The following DHRS12 variants were observed in gnomAD, a reference collection of about 807,000 sequenced individuals.
The protein encoded by DHRS12 is dehydrogenase/reductase 12, also known as dehydrogenase/reductase SDR family member 12.
Under a neutral mutation model 32.1 loss-of-function variants are expected in DHRS12, and 29 were observed. That is an observed-to-expected ratio of 0.90 (90% CI 0.67 to 1.23). The LOEUF is 1.23. Ranked by LOEUF, DHRS12 falls within the 50% of genes most tolerant of loss-of-function variation. The probability of loss-of-function intolerance (pLI) is 0.00; values close to 1 mark genes in which losing one functional copy is unlikely to be tolerated. For synonymous variants in DHRS12, 150 were observed against 135.9 expected (o/e 1.10, Z -0.72); for missense variants, 330 against 337.2 (o/e 0.98, Z 0.17).
rs779382783 is a variant in DHRS12 at position 51,791,179 on chromosome 13, T to G, written c.205A>C (p.Lys69Gln). The G allele has an allele frequency of 6.3e-7, 1 of 1,584,854 alleles. No individual in the cohort carries two copies. The highest frequency in any genetic ancestry group is 1.4e-5 in the African/African-American group (1 of 73,892). Residue 69 changes from lysine (K) to glutamine (Q), a missense_variant, in exon 3 of 9, where the codon AAA becomes CAA. By Grantham distance (53) the Lys-to-Gln change is moderately conservative. Coordinates refer to ENST00000444610, the MANE Select transcript of DHRS12 (RefSeq NM_001377533.1). ...ACAAAGCTCACCAGAACATGGAGTTTATGTTCCTGCTTGAAATTTTCAACA... is the reference window on the plus strand; with the variant it reads ...ACAAAGCTCACCAGAACATGGAGTTGATGTTCCTGCTTGAAATTTTCAACA... The part of the protein sequence containing the change: ...KFVENFKQEH[K>Q]LHVLINNAGC...
intron 8 of DHRS12, 23 bp from the exon 9 acceptor site, chr13:51,768,319 G>T (rs1407745859): frequency 6.5e-7 from 1 of 1,535,144 alleles, no homozygotes; most frequent in East Asian, 2.4e-5. Context: ...GGGAACCGCA[G>T]AGAGGTGTGA....
chr13:51,756,526 T>C, the DHRS12 span: 2 of 1,546,036 alleles, frequency 1.3e-6, no homozygotes, highest in African/African-American at 2.7e-5. Flanking sequence ...AGCCTTGCAC[T>C]CAGCGCCGCA....
chr13:51,760,936 T>C, the DHRS12 span: 1 of 152,234 alleles, frequency 6.6e-6, no homozygotes, highest in African/African-American at 2.4e-5. Context: ...CAGCCCAGGG[T>C]TGGGGACCCC....
chr13:51,793,260 G>A (rs775665190), intron 2 of DHRS12, among the ~76,000 whole-genome samples: 5 of 152,058 alleles, frequency 3.3e-5, no homozygotes, highest in Admixed American at 6.5e-5. Flanking sequence ...TGAATGCAAC[G>A]GCATCCTCTC....
At chr13:51,790,816 G>A (rs1412516025) in intron 3 of DHRS12, among the ~76,000 whole-genome samples, 1 of 152,128 alleles carries the variant, frequency 6.6e-6, no homozygotes, top group South Asian at 2.1e-4. Context: ...GTCTGCAGGA[G>A]GTATTCTTTT....
At chr13:51,786,339 C>T (rs1954955095) in intron 4 of DHRS12, among the ~76,000 whole-genome samples, 1 of 152,224 alleles carries the variant, frequency 6.6e-6, no homozygotes, top group Non-Finnish European at 1.5e-5. Context: ...CTGTGGCAGG[C>T]TGCCAGCAGG....
intron 7 of DHRS12, chr13:51,771,595 T>C: frequency 6.5e-7 from 1 of 1,537,018 alleles, no homozygotes; most frequent in African/African-American, 1.4e-5. Flanking sequence ...TCCCACCATC[T>C]CCTTCCCTGA....
At chr13:51,757,514 A>G in the DHRS12 span, among the ~76,000 whole-genome samples, 2 of 152,028 alleles carry the variant, frequency 1.3e-5, no homozygotes, top group African/African-American at 2.4e-5. Context: ...TTGAAGCATG[A>G]TAAGAGCAGT....
chr13:51,804,031 C>T, intron 1 of DHRS12, 23 bp downstream of exon 1: 12 of 1,465,568 alleles, frequency 8.2e-6, no homozygotes, highest in Non-Finnish European at 1.1e-5. Flanking sequence ...CCCGGGGCCC[C>T]GCGCCCCGCC....
In DHRS12 at chr13:51,782,922, G is replaced by A. The variant is rs1954785515; in HGVS notation, c.302-5801C>T. On this transcript the variant is annotated intron_variant, in intron 4 of 8. Coordinates refer to ENST00000444610, the MANE Select transcript of DHRS12 (RefSeq NM_001377533.1). The surrounding 1 kb of genome is among the most constrained non-coding windows in gnomAD (Gnocchi z 4.2). ...AGGTCCTGGCCCACAGGAGGACTTG[G>A]ATTTGGGGCCGGTGCTCCTAGGCCA... 6.6e-6 allele frequency among the ~76,000 whole-genome samples: 1 copy of A among 152,192 alleles called. No homozygotes were observed. The highest frequency in any genetic ancestry group is 1.5e-5 in the Non-Finnish European group (1 of 68,026).
the DHRS12 span, chr13:51,760,755 A>G: frequency 1.3e-5 from 2 of 152,240 alleles, no homozygotes; most frequent in Non-Finnish European, 2.9e-5. Flanking sequence ...GGAGCACGCA[A>G]CCTAAATCCC....
Position 51,768,285 on chromosome 13 carries a change from C to T in DHRS12, c.709G>A (p.Val237Ile). 6.5e-7 allele frequency: 1 copy of T among 1,536,016 alleles called. No homozygotes were observed. Reference sequence around the variant, plus strand: ...GTAGCGAGAGGCAAGTGTGTAGAAACTGGCTTCCGATCTAAAAGTGAGAGG... The same window carrying T: ...GTAGCGAGAGGCAAGTGTGTAGAAATTGGCTTCCGATCTAAAAGTGAGAGG... ...SGRFFQDRKPVSTHLPLATAS... is the reference protein window; with the variant it reads ...SGRFFQDRKPISTHLPLATAS... Residue 237 changes from valine (V) to isoleucine (I), a missense_variant, in exon 9 of 9, where the codon GTT becomes ATT. Physicochemically the swap from Val to Ile is conservative, Grantham distance 29. Coordinates refer to ENST00000444610, the MANE Select transcript of DHRS12 (RefSeq NM_001377533.1).
chr13:51,765,889 T>TCTGA (rs1471257097), downstream of DHRS12: 3 of 152,194 alleles, frequency 2.0e-5, no homozygotes, highest in African/African-American at 4.8e-5. Context: ...AAGAAGAGTA[T>TCTGA]CTGACTTTCT....
chr13:51,770,949 C>G, intron 7 of DHRS12: 1 of 1,301,980 alleles, frequency 7.7e-7, no homozygotes, highest in Non-Finnish European at 9.8e-7. Context: ...TTTTCCCTAT[C>G]TTTATTTCTT....
chr13:51,791,120 T>G, intron 3 of DHRS12, 45 bp downstream of exon 3: 1 of 1,367,760 alleles, frequency 7.3e-7, no homozygotes, highest in Non-Finnish European at 1.0e-6. Context: ...ACGGAAACAA[T>G]GGGCCAACAT....
intron 4 of DHRS12, among the ~76,000 whole-genome samples, chr13:51,785,065 T>TA (rs971590080): frequency 3.9e-5 from 6 of 152,084 alleles, no homozygotes; most frequent in African/African-American, 1.4e-4. Context: ...CCATCTCTAC[T>TA]AAAAATAAAA....
intron 4 of DHRS12, 145 bp downstream of exon 4, chr13:51,789,865 TA>T: frequency 7.7e-7 from 1 of 1,306,828 alleles, no homozygotes; most frequent in Non-Finnish European, 9.7e-7. Flanking sequence ...TGAAGAAAAA[TA>T]AGTACAATTC....
At chr13:51,800,844 C>T (rs185678615) in intron 1 of DHRS12, among the ~76,000 whole-genome samples, 79 of 152,348 alleles carry the variant, frequency 5.2e-4, no homozygotes, top group Non-Finnish European at 1.0e-3. Context: ...TTTTCACCAT[C>T]TGTAACTCAC....
chr13:51,762,134 C>T, the DHRS12 span: 2 of 152,234 alleles, frequency 1.3e-5, no homozygotes, highest in African/African-American at 2.4e-5. Context: ...TGAATCACTC[C>T]ATTTTCCCTT....
Sources: allele counts gnomAD v4.1 joint callset (sites outside exome capture counted in the v4.1 genomes callset), GRCh38; gene constraint gnomAD v4.1.1; non-coding constraint Gnocchi (gnomAD v3.1); transcripts MANE v1.5; gene names NCBI Gene and HGNC (gene_info 2026-07-23, HGNC 2026-07-21).